The following MRE11 variants were observed in gnomAD, a reference collection of about 807,000 sequenced individuals.
The protein encoded by MRE11 is MRE11 double strand break repair nuclease.
In MRE11, 62 loss-of-function variants were observed where a neutral mutation model predicts 91.7. That is an observed-to-expected ratio of 0.68 (90% CI 0.55 to 0.84). The LOEUF (loss-of-function observed/expected upper bound fraction) is 0.84, where lower values mean the gene tolerates loss of function less well. Ranked by LOEUF, MRE11 falls within the 40% of genes least tolerant of loss-of-function variation. The pLI, the probability that MRE11 is intolerant of heterozygous loss-of-function variation, is 0.00. For missense variants in MRE11, 796 were observed against 852.9 expected (o/e 0.93, Z 0.83); for synonymous variants, 273 against 271.4 (o/e 1.01, Z -0.06).
At chr11:94,475,356 T>C (rs193122585) in intron 7 of MRE11, 2 of 295,762 alleles carry the variant, frequency 6.8e-6, no homozygotes, top group East Asian at 1.5e-4. Flanking sequence ...ATGCAAATGC[T>C]ATACCATTTT....
intron 9 of MRE11, among the ~76,000 whole-genome samples, chr11:94,469,102 T>C (rs1482860329): frequency 6.6e-6 from 1 of 152,092 alleles, no homozygotes; most frequent in East Asian, 1.9e-4. Context: ...CAGAAAGTTA[T>C]GTGCACACCT....
chr11:94,433,186 G>C (rs78817171), intron 18 of MRE11, among the ~76,000 whole-genome samples: 1 of 152,090 alleles, frequency 6.6e-6, no homozygotes, highest in East Asian at 1.9e-4. Context: ...AGCCTCCATC[G>C]TCTCTCTTAG....
At chr11:94,502,919 C>A in the MRE11 span, among the ~76,000 whole-genome samples, 1 of 152,152 alleles carries the variant, frequency 6.6e-6, no homozygotes, top group African/African-American at 2.4e-5. Context: ...AAGTAATCTG[C>A]TGGTCTCGAC....
intron 9 of MRE11, among the ~76,000 whole-genome samples, chr11:94,469,901 T>C (rs1946662673): frequency 6.6e-6 from 1 of 152,150 alleles, no homozygotes; most frequent in African/African-American, 2.4e-5. Context: ...TCAAACCACA[T>C]ATTATTAAAT....
At chr11:94,448,111 A>G (rs1192534996) in intron 14 of MRE11, among the ~76,000 whole-genome samples, 1 of 152,202 alleles carries the variant, frequency 6.6e-6, no homozygotes, top group Non-Finnish European at 1.5e-5. Context: ...CCTAGGAAAT[A>G]ATAAGAAAAA....
rs587781461 is a variant in MRE11, at chr11:94,447,284, C to T, written c.1718G>A (p.Gly573Glu). 5.6e-6 allele frequency: 9 copies of T among 1,613,948 alleles called. No homozygotes were observed. The highest frequency in any genetic ancestry group is 6.8e-6 in the Non-Finnish European group (8 of 1,180,020). The change falls in exon 15 of 20, where the codon GGA becomes GAA. Residue 573 changes from glycine (G) to glutamate (E), a missense_variant. Transcript: ENST00000323929. ...SAATNKGRGR[G>E]RGRRGGRGQN... ...CCCTCTTCCACCTCTTCGACCTCTT[C>T]CTCGGCCTCTTCCTTTGTTGGTTGC...
At chr11:94,469,849 G>C (rs1396948896) in intron 9 of MRE11, among the ~76,000 whole-genome samples, 1 of 152,126 alleles carries the variant, frequency 6.6e-6, no homozygotes, top group Non-Finnish European at 1.5e-5. Context: ...AGCTGACACA[G>C]AGTTAAGAAC....
chr11:94,444,276 A>G (rs61893708), intron 16 of MRE11, among the ~76,000 whole-genome samples: 58 of 152,186 alleles, frequency 3.8e-4, no homozygotes, highest in Non-Finnish European at 7.5e-4. Context: ...TCCTTGAAAT[A>G]TAATTCCAAA....
upstream of MRE11, chr11:94,494,178 C>T (rs1404683765): frequency 6.6e-6 from 1 of 152,158 alleles, no homozygotes; most frequent in Non-Finnish European, 1.5e-5. Flanking sequence ...CAGGTAGGAC[C>T]GAAGCCGCTT....
intron 9 of MRE11, among the ~76,000 whole-genome samples, chr11:94,469,507 T>G (rs1477704781): frequency 2.0e-5 from 3 of 152,124 alleles, no homozygotes; most frequent in Non-Finnish European, 4.4e-5. Flanking sequence ...ATTTTCTATC[T>G]CTTTGGCTTG....
At chr11:94,449,738 T>C (rs960520220) in intron 14 of MRE11, among the ~76,000 whole-genome samples, 3 of 152,240 alleles carry the variant, frequency 2.0e-5, no homozygotes, top group African/African-American at 4.8e-5. Flanking sequence ...CTATAGGAGA[T>C]AGCCTATTGC....
Position 94,416,124 on chromosome 11 carries a change from T to G in MRE11, c.*4001A>C, listed in dbSNP as rs1445173974. ...CCGTGCCCGGTGCTGGGATTCTAAT[T>G]CAACAATTTTTCTTGGTAGTCTTGC... On this transcript the variant is annotated 3_prime_UTR_variant, in exon 20 of 20. Coordinates refer to ENST00000323929, the MANE Select transcript of MRE11 (RefSeq NM_005591.4). 6.6e-6 allele frequency: 1 copy of G among 152,242 alleles called. No individual in the cohort carries two copies. The highest frequency in any genetic ancestry group is 2.4e-5 in the African/African-American group (1 of 41,454). The allele number at this position is 152,242 out of a possible 1,614,324, so 9.4% of individuals were successfully genotyped here.
At chr11:94,475,225 A>C (rs1031375204) in intron 7 of MRE11, 4 of 153,482 alleles carry the variant, frequency 2.6e-5, no homozygotes, top group African/African-American at 9.6e-5. Context: ...ATAACAACGA[A>C]AAATATAAAT....
At chr11:94,498,145 T>G (rs776434868), upstream of MRE11, 34 of 1,614,028 alleles carry the variant, frequency 2.1e-5, no homozygotes, top group Admixed American at 4.7e-4. Flanking sequence ...AGTATACCCC[T>G]CTTCATCGAG....
intron 16 of MRE11, among the ~76,000 whole-genome samples, chr11:94,440,448 C>A (rs1945747116): frequency 1.3e-5 from 2 of 148,494 alleles, no homozygotes; most frequent in Admixed American, 6.8e-5. Context: ...AAAAAAAATT[C>A]TCAATGGCAT....
rs137868143 is a variant in MRE11 at position 94,471,597 on chromosome 11, A to G, written c.822T>C (p.Leu274=). Residue 274 remains leucine (L), a synonymous_variant, in exon 8 of 20, where the codon CTT becomes CTC. Transcript: ENST00000323929. ...ACTTCTTTACAGCTTCTCCTGGGGA[A>G]AGAGAAGTAACCACTGAGCTTCCAG... ...SQPGSSVVTS[L]SPGEAVKKHV... 1.4e-3 allele frequency: 2,222 copies of G among 1,612,580 alleles called. 6 individuals are homozygous for G. The highest frequency in any genetic ancestry group is 1.6e-3 in the Non-Finnish European group (1,936 of 1,178,954).
At chr11:94,451,012 C>T (rs1426082379) in intron 14 of MRE11, among the ~76,000 whole-genome samples, 5 of 149,202 alleles carry the variant, frequency 3.4e-5, no homozygotes, top group African/African-American at 1.3e-4. Flanking sequence ...AATACTAGCA[C>T]TACAGGTGTA....
chr11:94,450,128 G>A (rs910126157), intron 14 of MRE11, among the ~76,000 whole-genome samples: 1 of 152,194 alleles, frequency 6.6e-6, no homozygotes, highest in Non-Finnish European at 1.5e-5. Flanking sequence ...TACTGGCTAT[G>A]AGTTCAATGC....
chr11:94,490,950 T>A lies in MRE11; in HGVS notation c.36A>T (p.Thr12=). ...STADALDDEN[T]FKILVATDIH... ...TATCTGTTGCAACTAATATTTTAAA[T>A]GTGTTTTCATCATCACTATATTAAG... Residue 12 remains threonine, a synonymous_variant, in exon 3 of 20, where the codon ACA becomes ACT. Transcript: ENST00000323929. 9 of 1,480,192 alleles carry A rather than the reference T, an allele frequency of 6.1e-6. No homozygotes were observed. The highest frequency in any genetic ancestry group is 8.5e-6 in the Non-Finnish European group (9 of 1,059,960). The allele number at this position is 1,480,192 out of a possible 1,614,324, so 91.7% of individuals were successfully genotyped here. A position where few individuals can be genotyped will look rare whatever the true frequency, so the allele number is the denominator to read the frequency against.
Sources: allele counts gnomAD v4.1 joint callset (sites outside exome capture counted in the v4.1 genomes callset), GRCh38; gene constraint gnomAD v4.1.1; transcripts MANE v1.5; gene names NCBI Gene and HGNC (gene_info 2026-07-23, HGNC 2026-07-21).